BRIP1: variants seen among roughly 807,000 people sequenced by gnomAD.
BRIP1 encodes the protein Fanconi anemia group J protein.
Under a neutral mutation model 119.7 loss-of-function variants are expected in BRIP1, and 88 were observed. The ratio of observed to expected loss-of-function variants is 0.74; its 90% CI spans 0.62 to 0.88. BRIP1 has a LOEUF of 0.88. Ranked by LOEUF, BRIP1 falls within the 40% of genes least tolerant of loss-of-function variation. The pLI is 0.00. For missense variants in BRIP1, 1,259 were observed against 1,455.4 expected, an observed-to-expected ratio of 0.87 and a Z score of 2.20; for synonymous variants, 443 against 496.5, an observed-to-expected ratio of 0.89 and a Z score of 1.43.
At position 61,793,588 on chromosome 17, in the gene BRIP1, A is replaced by G; in HGVS notation, c.1473+9T>C. 1 of 1,599,972 alleles carries G rather than the reference A, an allele frequency of 6.3e-7. No individual in the cohort carries two copies. The highest frequency in any genetic ancestry group is 8.5e-7 in the Non-Finnish European group (1 of 1,172,322). ...TAAATACGTTTCACAGGTAGAAAAAATATCTTACCTGCAAAATGGGAAAAG... is the reference window on the plus strand; with the variant it reads ...TAAATACGTTTCACAGGTAGAAAAAGTATCTTACCTGCAAAATGGGAAAAG... On this transcript the variant is annotated intron_variant, in intron 10 of 19. Coordinates refer to ENST00000259008, the MANE Select transcript of BRIP1 (RefSeq NM_032043.3). The surrounding 1 kb of genome is among the most constrained non-coding windows in gnomAD (Gnocchi z 5.2).
chr17:61,731,341 C>T (rs2076840679), intron 16 of BRIP1, among the ~76,000 whole-genome samples: 1 of 152,124 alleles, frequency 6.6e-6, no homozygotes, highest in Admixed American at 6.6e-5. Flanking sequence ...GAGCTATATC[C>T]AGGTGGGTCT....
chr17:61,780,728 AAAC>A lies in BRIP1; in HGVS notation c.1794+109_1794+111del, dbSNP rs552840954. On this transcript the variant is annotated intron_variant, in intron 12 of 19. Coordinates refer to ENST00000259008, the MANE Select transcript of BRIP1 (RefSeq NM_032043.3). This position sits in a 1 kb window ranked among gnomAD's most constrained non-coding sequence, Gnocchi z 5.4. ...GGGTGAAGAGCAAGACCCTGCCTCAAAACAACAACAACAACAACAACAAACAAC... is the reference window on the plus strand; with the variant it reads ...GGGTGAAGAGCAAGACCCTGCCTCAAAACAACAACAACAACAACAAACAAC... 3,388 of 1,293,834 alleles carry A rather than the reference AAAC, an allele frequency of 2.6e-3. 2 individuals carry two copies. The highest frequency in any genetic ancestry group is 3.0e-3 in the Non-Finnish European group (2,755 of 903,858). 80.1% of individuals were successfully genotyped at this position (1,293,834 alleles called of 1,614,324 possible).
At chr17:61,830,917 T>C (rs1187080750) in intron 6 of BRIP1, among the ~76,000 whole-genome samples, 1 of 152,218 alleles carries the variant, frequency 6.6e-6, no homozygotes, top group East Asian at 1.9e-4. Flanking sequence ...AAATGGGTCC[T>C]ATACCATGAT....
rs2078651666 is a variant in BRIP1 at position 61,841,125 on chromosome 17, CAT to C, written c.627+5974_627+5975del. 6.6e-6 allele frequency among the ~76,000 whole-genome samples: 1 copy of C among 152,124 alleles called. No homozygotes were observed. Among genetic ancestry groups the C allele is most frequent in the Non-Finnish European group, 1.5e-5 (1 of 68,010 alleles). Reference sequence around the variant, plus strand: ...AAACTATAAGACTACTAGAAGAAAACATAGGGCAAAAGCTTCAGGACACTGAT... The same window carrying C: ...AAACTATAAGACTACTAGAAGAAAACAGGGCAAAAGCTTCAGGACACTGAT... On this transcript the variant is annotated intron_variant, in intron 6 of 19. Coordinates refer to ENST00000259008, the MANE Select transcript of BRIP1 (RefSeq NM_032043.3). This position sits in a 1 kb window ranked among gnomAD's most constrained non-coding sequence, Gnocchi z 4.1.
rs920220703 is a variant in BRIP1, at chr17:61,758,041, C to T, written c.2098-13450G>A. Among the ~76,000 whole-genome samples the T allele has an allele frequency of 1.3e-5, 2 of 151,344 alleles. No individual in the cohort carries two copies. Among genetic ancestry groups the T allele is most frequent in the African/African-American group, 4.9e-5 (2 of 41,214 alleles). On this transcript the variant is annotated intron_variant, in intron 14 of 19. Coordinates refer to ENST00000259008, the MANE Select transcript of BRIP1 (RefSeq NM_032043.3). The surrounding 1 kb of genome is among the most constrained non-coding windows in gnomAD (Gnocchi z 5.3). ...AAAAGAAAACAATAAGAACTCAATA[C>T]TATGTTATGTATGGAACAAATTCTT... is the stretch of plus-strand genomic sequence containing the variant.
chr17:61,838,014 C>T (rs1035049269), intron 6 of BRIP1, among the ~76,000 whole-genome samples: 5 of 152,064 alleles, frequency 3.3e-5, no homozygotes, highest in African/African-American at 1.2e-4. Flanking sequence ...AGTTTAATGT[C>T]AAATTCAGGG....
Position 61,825,099 on chromosome 17 carries a change from C to A in BRIP1, c.628-16342G>T, listed in dbSNP as rs1010592699. ...AGGAGATCGAGACCATCCTAGCTAA[C>A]ATGGTGAAATCCCGTCTCTACTAAA... On this transcript the variant is annotated intron_variant, in intron 6 of 19. Coordinates refer to ENST00000259008, the MANE Select transcript of BRIP1 (RefSeq NM_032043.3). The surrounding 1 kb of genome is among the most constrained non-coding windows in gnomAD (Gnocchi z 4.1). Among the ~76,000 whole-genome samples the A allele has an allele frequency of 6.6e-6, 1 of 151,982 alleles. No individual in the cohort carries two copies. Among genetic ancestry groups the A allele is most frequent in the African/African-American group, 2.4e-5 (1 of 41,384 alleles).
intron 17 of BRIP1, among the ~76,000 whole-genome samples, chr17:61,696,985 CA>C (rs775489853): frequency 3.1e-3 from 222 of 72,618 alleles, no homozygotes; most frequent in South Asian, 6.6e-3. Context: ...GACTCTGTCT[CA>C]AAAAAAAAAA....
intron 5 of BRIP1, among the ~76,000 whole-genome samples, chr17:61,847,764 CCAAA>C (rs1258626219): frequency 6.6e-6 from 1 of 152,126 alleles, no homozygotes; most frequent in Admixed American, 6.5e-5. Context: ...AGTTTTCTTT[CCAAA>C]CTGTATCCAT....
chr17:61,808,544 G>T lies in BRIP1; in HGVS notation c.841C>A (p.His281Asn), dbSNP rs1064795442. The change falls in exon 7 of 20, where the codon CAT becomes AAT. Residue 281 changes from histidine (H) to asparagine (N), a missense_variant. Coordinates refer to ENST00000259008, the MANE Select transcript of BRIP1 (RefSeq NM_032043.3). This position sits in a 1 kb window ranked among gnomAD's most constrained non-coding sequence, Gnocchi z 4.1. The part of the protein sequence containing the change: ...VPMTILSSRD[H>N]TCVHPEVVGN... ...ACTACCTCAGGATGGACACAAGTATGATCCCTGCTGGAAAGAATAGTCATT... is the reference window on the plus strand; with the variant it reads ...ACTACCTCAGGATGGACACAAGTATTATCCCTGCTGGAAAGAATAGTCATT... The T allele has an allele frequency of 2.5e-6, 4 of 1,613,262 alleles. No individual in the cohort carries two copies. Among genetic ancestry groups the T allele is most frequent in the Non-Finnish European group, 3.4e-6 (4 of 1,179,400 alleles).
chr17:61,842,747 C>T lies in BRIP1; in HGVS notation c.627+4354G>A, dbSNP rs1270767404. On this transcript the variant is annotated intron_variant, in intron 6 of 19. Transcript: ENST00000259008. This position sits in a 1 kb window ranked among gnomAD's most constrained non-coding sequence, Gnocchi z 5.1. ...ACAGCTGCTGCTACTTCTACTACCACTTGGCGCTTAAACTCTAAGGTATGC... is the reference window on the plus strand; with the variant it reads ...ACAGCTGCTGCTACTTCTACTACCATTTGGCGCTTAAACTCTAAGGTATGC... Among the ~76,000 whole-genome samples, 1 of 152,214 alleles carries T rather than the reference C, an allele frequency of 6.6e-6. No individual in the cohort carries two copies. The highest frequency in any genetic ancestry group is 1.5e-5 in the Non-Finnish European group (1 of 68,026).
rs786203700 is a variant in BRIP1, at chr17:61,857,233, T to C, written c.206-2A>G. The stretch of plus-strand genomic sequence containing the variant: ...TTACGCCCTCATCTGCTGGTTTCCC[T>C]AAAAATGAAAGAACATCTATTTATA... On this transcript the variant is annotated splice_acceptor_variant, in intron 3 of 19. Coordinates refer to ENST00000259008, the MANE Select transcript of BRIP1 (RefSeq NM_032043.3). LOFTEE classifies it high-confidence loss of function. This position sits in a 1 kb window ranked among gnomAD's most constrained non-coding sequence, Gnocchi z 5.1. 8.1e-6 allele frequency: 13 copies of C among 1,611,772 alleles called. No individual in the cohort carries two copies. Among genetic ancestry groups the C allele is most frequent in the Admixed American group, 1.7e-5 (1 of 59,938 alleles).
intron 6 of BRIP1, among the ~76,000 whole-genome samples, chr17:61,813,082 A>G (rs1208925304): frequency 6.6e-6 from 1 of 152,146 alleles, no homozygotes; most frequent in African/African-American, 2.4e-5. Flanking sequence ...ATTGCCAAAG[A>G]AGAAGTTCCT....
chr17:61,859,884 C>A lies in BRIP1; in HGVS notation c.117G>T (p.Lys39Asn). The A allele has an allele frequency of 6.2e-7, 1 of 1,613,178 alleles. No homozygotes were observed. Among genetic ancestry groups the A allele is most frequent in the Non-Finnish European group, 8.5e-7 (1 of 1,179,190 alleles). The change falls in exon 3 of 20, where the codon AAG becomes AAT. Residue 39 changes from lysine to asparagine, a missense_variant. Coordinates refer to ENST00000259008, the MANE Select transcript of BRIP1 (RefSeq NM_032043.3). The stretch of plus-strand genomic sequence containing the variant: ...TGGGACTCTCCAACAAACAATGTTG[C>A]TTGCTGTTTAATCCTCTGAGAATCT... ...MNSILRGLNS[K>N]QHCLLESPTG...
intron 10 of BRIP1, among the ~76,000 whole-genome samples, chr17:61,791,758 C>T (rs1825427047): frequency 6.6e-6 from 1 of 151,864 alleles, no homozygotes; most frequent in Admixed American, 6.6e-5. Context: ...ACAATTCTTC[C>T]CATGGGGAAA....
Position 61,755,905 on chromosome 17 carries a change from C to T in BRIP1, c.2098-11314G>A, listed in dbSNP as rs995188272. Among the ~76,000 whole-genome samples, 1 of 152,138 alleles carries T rather than the reference C, an allele frequency of 6.6e-6. No homozygotes were observed. The highest frequency in any genetic ancestry group is 1.5e-5 in the Non-Finnish European group (1 of 68,014). On this transcript the variant is annotated intron_variant, in intron 14 of 19. Transcript: ENST00000259008. This position sits in a 1 kb window ranked among gnomAD's most constrained non-coding sequence, Gnocchi z 4.5. ...CTCTGGGTCTATCCGGATTTTAGTT[C>T]GGGCAAAGAGCTATGAGGAACACTT...
rs1242046256 is a variant in BRIP1 at position 61,775,421 on chromosome 17, A to T, written c.2097+980T>A. Among the ~76,000 whole-genome samples, 1 of 152,156 alleles carries T rather than the reference A, an allele frequency of 6.6e-6. No individual in the cohort carries two copies. The highest frequency in any genetic ancestry group is 1.5e-5 in the Non-Finnish European group (1 of 68,014). On this transcript the variant is annotated intron_variant, in intron 14 of 19. Coordinates refer to ENST00000259008, the MANE Select transcript of BRIP1 (RefSeq NM_032043.3). The surrounding 1 kb of genome is among the most constrained non-coding windows in gnomAD (Gnocchi z 4.4). ...AAGAGTCAAAAGTATCAATATTGTC[A>T]TTCAAATATATTACTTCCAAATGCT... is the stretch of plus-strand genomic sequence containing the variant.
At chr17:61,797,016 A>C (rs1224248851) in intron 9 of BRIP1, among the ~76,000 whole-genome samples, 1 of 152,050 alleles carries the variant, frequency 6.6e-6, no homozygotes, top group Non-Finnish European at 1.5e-5. Context: ...AGAACACAGG[A>C]AGAAAAGCAA....
At position 61,690,544 on chromosome 17, in the gene BRIP1, T is replaced by C. The variant is rs2061433044; in HGVS notation, c.2575+2886A>G. Among the ~76,000 whole-genome samples the C allele has an allele frequency of 6.6e-6, 1 of 152,166 alleles. No individual in the cohort carries two copies. Among genetic ancestry groups the C allele is most frequent in the South Asian group, 2.1e-4 (1 of 4,834 alleles). On this transcript the variant is annotated intron_variant, in intron 18 of 19. Transcript: ENST00000259008. This position sits in a 1 kb window ranked among gnomAD's most constrained non-coding sequence, Gnocchi z 5.6. The stretch of plus-strand genomic sequence containing the variant: ...CATGTAACCACAAAGGAAATATCTA[T>C]AGAAGGTATACAAAAGAAAAATGAG...
Sources: gnomAD v4.1 joint callset for allele counts (sites outside exome capture counted in the v4.1 genomes callset) on GRCh38, gnomAD v4.1.1 for gene constraint, Gnocchi (gnomAD v3.1) non-coding constraint, MANE v1.5 for transcripts, NCBI Gene and HGNC (gene_info 2026-07-23, HGNC 2026-07-21) for gene names.